DLC1: variants seen among roughly 807,000 people sequenced by gnomAD.
The protein encoded by DLC1 is rho GTPase-activating protein 7.
A neutral mutation model predicts 140.3 loss-of-function variants in DLC1; 54 were observed. That is an observed-to-expected ratio of 0.38 (90% CI 0.31 to 0.48). The LOEUF (loss-of-function observed/expected upper bound fraction) is 0.48, where lower values mean the gene tolerates loss of function less well. Among genes scored for constraint, DLC1 ranks in the 20% least tolerant of loss-of-function variants. The pLI, the probability that DLC1 is intolerant of heterozygous loss-of-function variation, is 0.96. For missense variants in DLC1, 2,536 were observed against 1,907.0 expected, an observed-to-expected ratio of 1.33 and a Z score of -6.14; for synonymous variants, 986 against 728.1, an observed-to-expected ratio of 1.35 and a Z score of -5.70.
chr8:13,254,619 C>T lies in DLC1; in HGVS notation c.1348+50650G>A, dbSNP rs565214470. On this transcript the variant is annotated intron_variant, in intron 5 of 17. Transcript: ENST00000276297. ...GGAACAAAATTTCATTATCTCTATC[C>T]TAACCCACCCCCACCCCCAGTTGTC... 4.6e-5 allele frequency among the ~76,000 whole-genome samples: 7 copies of T among 151,748 alleles called. No homozygotes were observed. The South Asian group carries it at 1.5e-3, about 32-fold the overall frequency.
intron 1 of DLC1, among the ~76,000 whole-genome samples, chr8:13,601,402 C>A (rs1805879004): frequency 6.6e-6 from 1 of 151,748 alleles, no homozygotes; most frequent in Non-Finnish European, 1.5e-5. Context: ...AATAGAACTT[C>A]TAAAGAAATG....
intron 4 of DLC1, among the ~76,000 whole-genome samples, chr8:13,366,799 G>A (rs985595241): frequency 2.0e-5 from 3 of 152,040 alleles, no homozygotes; most frequent in Admixed American, 6.6e-5. Flanking sequence ...TCCCCTCTGG[G>A]TCGAAGGCCA....
At chr8:13,580,124 T>TTTTTTTTA (rs59672498) in intron 1 of DLC1, among the ~76,000 whole-genome samples, 2 of 151,190 alleles carry the variant, frequency 1.3e-5, no homozygotes, top group African/African-American at 2.4e-5. Flanking sequence ...TGGTTACATT[T>TTTTTTTTA]ATTTTTTTAT....
In DLC1 at chr8:13,443,605, C is replaced by T. The variant is rs944371422; in HGVS notation, c.1024-41986G>A. ...ACCCAGAGGCGGAGCTTGCAGTGAG[C>T]CAAGATCGCGCCACTGCACTCCAGC... On this transcript the variant is annotated intron_variant, in intron 2 of 17. Transcript: ENST00000276297. Among the ~76,000 whole-genome samples the T allele has an allele frequency of 2.7e-5, 4 of 145,578 alleles. No homozygotes were observed. In the East Asian group the frequency reaches 8.1e-4, roughly 29 times the overall value.
chr8:13,415,129 T>C (rs1837990748), intron 2 of DLC1, among the ~76,000 whole-genome samples: 1 of 152,052 alleles, frequency 6.6e-6, no homozygotes, highest in South Asian at 2.1e-4. Flanking sequence ...TTATTTTTTT[T>C]TAAGTCAGTG....
intron 5 of DLC1, among the ~76,000 whole-genome samples, chr8:13,192,754 C>T (rs1826835213): frequency 6.6e-6 from 1 of 152,122 alleles, no homozygotes; most frequent in African/African-American, 2.4e-5. Flanking sequence ...GGACTGGTCT[C>T]ATAAGAAGAG....
chr8:13,509,369 T>A (rs1802254560), intron 1 of DLC1, among the ~76,000 whole-genome samples: 1 of 152,232 alleles, frequency 6.6e-6, no homozygotes, highest in Non-Finnish European at 1.5e-5. Context: ...CATTAGGAAC[T>A]TAATTACTTC....
intron 2 of DLC1, among the ~76,000 whole-genome samples, chr8:13,409,984 C>T (rs936005342): frequency 6.6e-6 from 1 of 151,938 alleles, no homozygotes; most frequent in Admixed American, 6.6e-5. Flanking sequence ...CAGAGAAAAC[C>T]GTTACATGGT....
intron 5 of DLC1, among the ~76,000 whole-genome samples, chr8:13,208,225 A>T (rs1164888096): frequency 6.6e-6 from 1 of 152,186 alleles, no homozygotes. Flanking sequence ...ATGAGGTTAT[A>T]TATGTATACT....
At chr8:13,184,518 C>T (rs535065665) in intron 5 of DLC1, among the ~76,000 whole-genome samples, 1 of 152,282 alleles carries the variant, frequency 6.6e-6, no homozygotes, top group South Asian at 2.1e-4. Context: ...TCATTGGGTT[C>T]AAAGAACATC....
chr8:13,377,277 T>G (rs1836037395), intron 4 of DLC1, among the ~76,000 whole-genome samples: 1 of 152,118 alleles, frequency 6.6e-6, no homozygotes, highest in Non-Finnish European at 1.5e-5. Context: ...AGTGTAGAAG[T>G]GTGGAATTTG....
intron 4 of DLC1, among the ~76,000 whole-genome samples, chr8:13,337,889 C>T (rs1258132745): frequency 2.0e-5 from 3 of 151,984 alleles, no homozygotes; most frequent in Non-Finnish European, 4.4e-5. Flanking sequence ...GATATAAACT[C>T]CATGAAAAAA....
At chr8:13,182,535 A>G (rs575589777) in intron 5 of DLC1, among the ~76,000 whole-genome samples, 2 of 152,212 alleles carry the variant, frequency 1.3e-5, no homozygotes, top group African/African-American at 2.4e-5. Context: ...AGCTTTCTAC[A>G]TATGGCTAGC....
Position 13,086,277 on chromosome 8 carries a change from A to C in DLC1, c.4466+13T>G, listed in dbSNP as rs1222458982. 25 of 1,609,334 alleles carry C rather than the reference A, an allele frequency of 1.6e-5. No homozygotes were observed. Among genetic ancestry groups the C allele is most frequent in the East Asian group, 6.7e-5 (3 of 44,784 alleles). On this transcript the variant is annotated intron_variant, in intron 17 of 17. Coordinates refer to ENST00000276297, the MANE Select transcript of DLC1 (RefSeq NM_182643.3). ...GACCCTCACCATATAAAAAAATCAG[A>C]ATCAGAACATACCTTAAGTCAACTC...
intron 5 of DLC1, among the ~76,000 whole-genome samples, chr8:13,118,754 G>T (rs1264930238): frequency 6.6e-6 from 1 of 151,982 alleles, no homozygotes; most frequent in East Asian, 1.9e-4. Context: ...GAGTCACACA[G>T]TTTCATTCCC....
At chr8:13,218,942 TTATA>T (rs1266537841) in intron 5 of DLC1, among the ~76,000 whole-genome samples, 1 of 74,722 alleles carries the variant, frequency 1.3e-5, no homozygotes, top group Non-Finnish European at 2.5e-5. Flanking sequence ...ACGAATATGA[TTATA>T]TAATTATATA....
intron 1 of DLC1, among the ~76,000 whole-genome samples, chr8:13,601,628 A>G (rs1307363362): frequency 6.8e-6 from 1 of 146,836 alleles, no homozygotes; most frequent in African/African-American, 2.5e-5. Context: ...AGTCCAGTAA[A>G]GAGCCAGGAT....
At chr8:13,471,440 G>A in intron 2 of DLC1, among the ~76,000 whole-genome samples, 1 of 144,974 alleles carries the variant, frequency 6.9e-6, no homozygotes, top group African/African-American at 2.5e-5. Flanking sequence ...TACAATTTAT[G>A]TTGTGGAAAA....
chr8:13,573,640 T>C (rs1467716447), intron 1 of DLC1, among the ~76,000 whole-genome samples: 2 of 152,186 alleles, frequency 1.3e-5, no homozygotes, highest in Non-Finnish European at 2.9e-5. Flanking sequence ...TCTTAGTTTA[T>C]TGAATGTTTG....
Sources: gnomAD v4.1 joint callset for allele counts (sites outside exome capture counted in the v4.1 genomes callset) on GRCh38, gnomAD v4.1.1 for gene constraint, MANE v1.5 for transcripts, NCBI Gene and HGNC (gene_info 2026-07-23, HGNC 2026-07-21) for gene names.